Variants in UBE4B observed in about 807,000 individuals in gnomAD.
UBE4B encodes the protein ubiquitin conjugation factor E4 B.
UBE4B carries 27 observed loss-of-function variants against 148.1 expected under a neutral mutation model. The ratio of observed to expected loss-of-function variants is 0.18; its 90% CI spans 0.13 to 0.25. The LOEUF is 0.25. UBE4B is among the 10% of genes least tolerant of loss of function. The pLI, the probability that UBE4B is intolerant of heterozygous loss-of-function variation, is 1.00. For synonymous variants in UBE4B, 596 were observed against 619.3 expected, an observed-to-expected ratio of 0.96 and a Z score of 0.56; for missense variants, 1,170 against 1,662.4, an observed-to-expected ratio of 0.70 and a Z score of 5.15.
chr1:10,051,545 C>T (rs1315944573), intron 1 of UBE4B, among the ~76,000 whole-genome samples: 1 of 152,154 alleles, frequency 6.6e-6, no homozygotes, highest in Non-Finnish European at 1.5e-5. Context: ...TCCCCCGACC[C>T]ATTAGTTCCA....
chr1:10,162,595 A>G (rs1571010736), intron 23 of UBE4B, among the ~76,000 whole-genome samples: 1 of 145,698 alleles, frequency 6.9e-6, no homozygotes. Context: ...GGCGTGAGTC[A>G]CCGCGCCCAG....
intron 2 of UBE4B, among the ~76,000 whole-genome samples, chr1:10,095,232 T>C (rs911890205): frequency 2.6e-5 from 4 of 152,210 alleles, no homozygotes; most frequent in African/African-American, 9.6e-5. Flanking sequence ...TAGATGTAGC[T>C]CTGTTACTGA....
intron 2 of UBE4B, among the ~76,000 whole-genome samples, chr1:10,082,354 A>T (rs1644696127): frequency 1.3e-5 from 2 of 152,052 alleles, no homozygotes; most frequent in African/African-American, 4.8e-5. Context: ...TACACAAATT[A>T]GCCAGGCATG....
At position 10,137,050 on chromosome 1, in the gene UBE4B, G is replaced by A. The variant is rs374276313; in HGVS notation, c.2225-17G>A. 51 of 1,613,852 alleles carry A rather than the reference G, an allele frequency of 3.2e-5. No individual in the cohort carries two copies. The highest frequency in any genetic ancestry group is 4.2e-5 in the Non-Finnish European group (49 of 1,179,926). On this transcript the variant is annotated splice_polypyrimidine_tract_variant and intron_variant, in intron 16 of 27. Coordinates refer to ENST00000343090, the MANE Select transcript of UBE4B (RefSeq NM_001105562.3). The stretch of plus-strand genomic sequence containing the variant: ...ATGTAATAGATTTTATTTAGGGAAT[G>A]ATGTTATTTTTCCTAGATGGCGATC...
At chr1:10,112,286 A>G (rs1645234321) in intron 7 of UBE4B, among the ~76,000 whole-genome samples, 1 of 152,282 alleles carries the variant, frequency 6.6e-6, no homozygotes. Flanking sequence ...GGACTTCAAT[A>G]TGACATATTT....
intron 17 of UBE4B, among the ~76,000 whole-genome samples, chr1:10,141,880 A>T (rs982867931): frequency 2.0e-5 from 3 of 152,164 alleles, no homozygotes; most frequent in Admixed American, 2.0e-4. Context: ...TTTGGGTCCC[A>T]GTCTTTGCCT....
chr1:10,124,009 A>G (rs1323745516), intron 10 of UBE4B, among the ~76,000 whole-genome samples: 1 of 152,092 alleles, frequency 6.6e-6, no homozygotes, highest in Non-Finnish European at 1.5e-5. Flanking sequence ...TCCTGATGTC[A>G]GGTGATCCAC....
chr1:10,081,617 T>G (rs1644682551), intron 2 of UBE4B, among the ~76,000 whole-genome samples: 2 of 151,512 alleles, frequency 1.3e-5, no homozygotes, highest in South Asian at 4.2e-4. Context: ...AGTTGGAGTT[T>G]CGCTCTTGTC....
At chr1:10,098,067 C>T (rs1644956841) in intron 3 of UBE4B, among the ~76,000 whole-genome samples, 1 of 151,998 alleles carries the variant, frequency 6.6e-6, no homozygotes, top group Admixed American at 6.6e-5. Flanking sequence ...GATGGGGTTT[C>T]ACCATATTGG....
chr1:10,105,870 G>A, intron 6 of UBE4B, 126 bp downstream of exon 6: 1 of 1,057,060 alleles, frequency 9.5e-7, no homozygotes, highest in South Asian at 1.6e-5. Flanking sequence ...CATATTTGGG[G>A]AGGTGGATTT....
At chr1:10,076,535 C>T (rs1387734474) in intron 2 of UBE4B, among the ~76,000 whole-genome samples, 2 of 152,010 alleles carry the variant, frequency 1.3e-5, no homozygotes, top group South Asian at 2.1e-4. Context: ...TGAGCTACCA[C>T]GCCTGGCCAA....
chr1:10,074,581 C>T (rs1345702485), intron 2 of UBE4B, among the ~76,000 whole-genome samples: 1 of 152,146 alleles, frequency 6.6e-6, no homozygotes, highest in African/African-American at 2.4e-5. Flanking sequence ...TCTGTGGTTG[C>T]TCTGAGTCAC....
chr1:10,132,967 T>C (rs1016452264), intron 15 of UBE4B, among the ~76,000 whole-genome samples: 1 of 151,868 alleles, frequency 6.6e-6, no homozygotes, highest in African/African-American at 2.4e-5. Context: ...CAGGGCGCCA[T>C]CGGGTTAGGT....
intron 3 of UBE4B, among the ~76,000 whole-genome samples, chr1:10,099,308 T>G (rs1358569071): frequency 6.6e-6 from 1 of 152,132 alleles, no homozygotes; most frequent in Non-Finnish European, 1.5e-5. Flanking sequence ...ATAAGAAGTG[T>G]ATATTTAAAA....
At chr1:10,037,353 T>A (rs1643580674) in intron 1 of UBE4B, among the ~76,000 whole-genome samples, 1 of 152,020 alleles carries the variant, frequency 6.6e-6, no homozygotes, top group East Asian at 1.9e-4. Flanking sequence ...TAGAGTACTT[T>A]AACTTCACTG....
chr1:10,104,038 G>T (rs1250697978), intron 5 of UBE4B, among the ~76,000 whole-genome samples: 1 of 152,078 alleles, frequency 6.6e-6, no homozygotes, highest in Non-Finnish European at 1.5e-5. Context: ...GGGATTACAG[G>T]CTTGAGCCAC....
At chr1:10,141,464 G>A (rs61782923) in intron 17 of UBE4B, among the ~76,000 whole-genome samples, 7,226 of 152,214 alleles carry the variant, frequency 0.047, 443 homozygotes, top group East Asian at 0.13. Context: ...AGAGCCTCCA[G>A]AAGGAACCAT....
chr1:10,077,457 G>A (rs545541551), intron 2 of UBE4B, among the ~76,000 whole-genome samples: 38 of 152,264 alleles, frequency 2.5e-4, no homozygotes, highest in Admixed American at 7.9e-4. Context: ...TTATTTCTTT[G>A]TTTTTGATCT....
rs1056832345 is a variant in UBE4B, at chr1:10,171,236, C to T, written c.3432C>T (p.Tyr1144=). Residue 1144 remains tyrosine, a synonymous_variant, in exon 25 of 28, where the codon TAC becomes TAT. Coordinates refer to ENST00000343090, the MANE Select transcript of UBE4B (RefSeq NM_001105562.3). ...TGAAAGTTGAAAACCCTGAGAAATA[C>T]GGCTTTGAACCAAAGAAGCTGTTGG... The part of the protein sequence containing the change: ...RDLKVENPEK[Y]GFEPKKLLDQ... 21 of 1,614,090 alleles carry T rather than the reference C, an allele frequency of 1.3e-5. No individual in the cohort carries two copies. The highest frequency in any genetic ancestry group is 3.3e-5 in the Admixed American group (2 of 60,002).
Sources: allele counts gnomAD v4.1 joint callset (sites outside exome capture counted in the v4.1 genomes callset), GRCh38; gene constraint gnomAD v4.1.1; transcripts MANE v1.5; gene names NCBI Gene and HGNC (gene_info 2026-07-23, HGNC 2026-07-21).